NDUFAF2: variants seen among roughly 807,000 people sequenced by gnomAD.
NDUFAF2 encodes NADH:ubiquinone oxidoreductase complex assembly factor 2.
A neutral mutation model predicts 22.8 loss-of-function variants in NDUFAF2; 13 were observed. That is an observed-to-expected ratio of 0.57 (90% confidence interval 0.37 to 0.91). The LOEUF is 0.91. Ranked by LOEUF, NDUFAF2 falls within the 40% of genes least tolerant of loss-of-function variation. The pLI, the probability that NDUFAF2 is intolerant of heterozygous loss-of-function variation, is 0.01. For missense variants in NDUFAF2, 162 were observed against 195.2 expected (o/e 0.83, Z 1.01); for synonymous variants, 53 against 64.2 (o/e 0.83, Z 0.84).
chr5:60,947,672 AG>A (rs752085543), intron 1 of NDUFAF2, among the ~76,000 whole-genome samples: 7 of 151,452 alleles, frequency 4.6e-5, no homozygotes, highest in Non-Finnish European at 1.0e-4. Context: ...AGGCTAAGGC[AG>A]GAAAATCACT....
intron 2 of NDUFAF2, among the ~76,000 whole-genome samples, chr5:61,076,555 G>A (rs1752372921): frequency 6.6e-6 from 1 of 152,234 alleles, no homozygotes; most frequent in Non-Finnish European, 1.5e-5. Flanking sequence ...GTGTGATTGG[G>A]ATAGAATGAG....
At chr5:61,005,387 G>C (rs182408358) in intron 1 of NDUFAF2, among the ~76,000 whole-genome samples, 10 of 152,216 alleles carry the variant, frequency 6.6e-5, no homozygotes, top group African/African-American at 2.4e-4. Context: ...GAATGGTGCC[G>C]CAGTAAACAT....
intron 1 of NDUFAF2, among the ~76,000 whole-genome samples, chr5:61,034,908 A>ATG (rs1481764474): frequency 1.0e-4 from 7 of 67,164 alleles, no homozygotes; most frequent in Admixed American, 7.6e-4. Flanking sequence ...GTAGGCAAAT[A>ATG]TATATGTGTG....
intron 3 of NDUFAF2, among the ~76,000 whole-genome samples, chr5:61,110,045 A>G (rs542245413): frequency 2.6e-5 from 4 of 152,290 alleles, no homozygotes; most frequent in African/African-American, 9.6e-5. Flanking sequence ...ATTTTATCAA[A>G]TGCTTTTCCA....
At chr5:61,108,191 T>TTTA (rs1752792466) in intron 3 of NDUFAF2, among the ~76,000 whole-genome samples, 1 of 148,652 alleles carries the variant, frequency 6.7e-6, no homozygotes, top group South Asian at 2.1e-4. Context: ...AGCAGCATGA[T>TTTA]TTATAGTCCT....
chr5:60,958,397 A>G (rs1007481873), intron 1 of NDUFAF2, among the ~76,000 whole-genome samples: 5 of 152,190 alleles, frequency 3.3e-5, no homozygotes, highest in African/African-American at 1.2e-4. Context: ...TAACAAATTG[A>G]AAACACATTT....
chr5:61,023,546 G>A (rs1751612840), intron 1 of NDUFAF2, among the ~76,000 whole-genome samples: 1 of 151,920 alleles, frequency 6.6e-6, no homozygotes, highest in Non-Finnish European at 1.5e-5. Flanking sequence ...TATCTTTGTG[G>A]GACTATTTAC....
At chr5:61,029,657 C>T (rs1432879566) in intron 1 of NDUFAF2, among the ~76,000 whole-genome samples, 1 of 152,084 alleles carries the variant, frequency 6.6e-6, no homozygotes, top group African/African-American at 2.4e-5. Flanking sequence ...GTGTCTTCAC[C>T]CCAGAATGCG....
chr5:61,048,042 C>T (rs905318069), intron 1 of NDUFAF2, among the ~76,000 whole-genome samples: 4 of 152,152 alleles, frequency 2.6e-5, no homozygotes, highest in African/African-American at 9.6e-5. Context: ...GCATTTCCCT[C>T]TCACAAGTGC....
intron 2 of NDUFAF2, among the ~76,000 whole-genome samples, chr5:61,094,479 A>G (rs1191198623): frequency 2.0e-5 from 3 of 152,152 alleles, no homozygotes; most frequent in Non-Finnish European, 4.4e-5. Flanking sequence ...TCTGAATTCT[A>G]CTTCGGTCAT....
chr5:61,004,220 TG>T (rs1751336437), intron 1 of NDUFAF2, among the ~76,000 whole-genome samples: 1 of 152,152 alleles, frequency 6.6e-6, no homozygotes, highest in Non-Finnish European at 1.5e-5. Context: ...CCCGTGCTAT[TG>T]GCTTACAGAT....
intron 1 of NDUFAF2, among the ~76,000 whole-genome samples, chr5:60,976,032 G>A (rs1561532069): frequency 6.6e-6 from 1 of 152,102 alleles, no homozygotes; most frequent in Non-Finnish European, 1.5e-5. Context: ...AAGTAGCTTG[G>A]CCTCTGGCCT....
chr5:61,136,432 C>T (rs1336115791), intron 3 of NDUFAF2, among the ~76,000 whole-genome samples: 1 of 152,118 alleles, frequency 6.6e-6, no homozygotes, highest in Non-Finnish European at 1.5e-5. Context: ...CATCTGCCTC[C>T]ATAACCTCCT....
chr5:61,114,286 T>C (rs2111788913), intron 3 of NDUFAF2: 1 of 152,288 alleles, frequency 6.6e-6, no homozygotes, highest in East Asian at 1.9e-4. Flanking sequence ...ACTAATTCTT[T>C]CTTCTGCTTA....
chr5:60,973,437 A>T (rs570768422), intron 1 of NDUFAF2, among the ~76,000 whole-genome samples: 4 of 152,002 alleles, frequency 2.6e-5, no homozygotes, highest in South Asian at 2.1e-4. Context: ...TTTCCTTTTC[A>T]CAAAGGGAAA....
intron 2 of NDUFAF2, among the ~76,000 whole-genome samples, chr5:61,075,376 T>A (rs1016431326): frequency 1.3e-5 from 2 of 152,164 alleles, no homozygotes; most frequent in Non-Finnish European, 2.9e-5. Flanking sequence ...TACCAAAGGT[T>A]TTTTGAAGAA....
intron 1 of NDUFAF2, among the ~76,000 whole-genome samples, chr5:61,049,823 T>C (rs979610425): frequency 1.3e-5 from 2 of 151,378 alleles, no homozygotes; most frequent in African/African-American, 4.8e-5. Context: ...TTTATATACA[T>C]ATATATAAAT....
chr5:61,035,430 T>TTTTTTTG (rs1751787384), intron 1 of NDUFAF2, among the ~76,000 whole-genome samples: 2 of 145,512 alleles, frequency 1.4e-5, no homozygotes, highest in Non-Finnish European at 3.0e-5. Flanking sequence ...CTCTGTTTTT[T>TTTTTTTG]TTTTTTTTTT....
At chr5:61,132,820 A>T (rs1008958421) in intron 3 of NDUFAF2, among the ~76,000 whole-genome samples, 30 of 152,106 alleles carry the variant, frequency 2.0e-4, no homozygotes, top group African/African-American at 7.2e-4. Flanking sequence ...TTGCTGCTGT[A>T]GTGTTTGTGG....
Sources: gnomAD v4.1 joint callset for allele counts (sites outside exome capture counted in the v4.1 genomes callset) on GRCh38, gnomAD v4.1.1 for gene constraint, MANE v1.5 for transcripts, NCBI Gene and HGNC (gene_info 2026-07-23, HGNC 2026-07-21) for gene names.